CREB3L3: variants seen among roughly 807,000 people sequenced by gnomAD.
The protein encoded by CREB3L3 is cyclic AMP-responsive element-binding protein 3-like protein 3.
Under a neutral mutation model 44.6 loss-of-function variants are expected in CREB3L3, and 40 were observed. The ratio of observed to expected loss-of-function variants is 0.90; its 90% CI spans 0.70 to 1.17. The LOEUF is 1.17. CREB3L3 is among the 50% of genes most tolerant of loss of function. The probability of loss-of-function intolerance (pLI) is 0.00; values close to 1 mark genes in which losing one functional copy is unlikely to be tolerated. For missense variants in CREB3L3, 578 were observed against 595.8 expected, an observed-to-expected ratio of 0.97 and a Z score of 0.31; for synonymous variants, 273 against 256.3, an observed-to-expected ratio of 1.06 and a Z score of -0.62.
rs982460382 is a variant in CREB3L3, at chr19:4,171,795, C to T, written c.1212C>T (p.Gly404=). The change falls in exon 10 of 10, where the codon GGC becomes GGT. Residue 404 remains glycine (G), a synonymous_variant. Transcript: ENST00000078445. The surrounding 1 kb of genome is among the most constrained non-coding windows in gnomAD (Gnocchi z 4.9). ...ESPGSPGADW[G]FQDTANLTNS... ...CAGGAAGCCCCGGGGCAGACTGGGGCTTCCAGGACACCGCGAACCTGACCA... is the reference window on the plus strand; with the variant it reads ...CAGGAAGCCCCGGGGCAGACTGGGGTTTCCAGGACACCGCGAACCTGACCA... 3 of 1,613,478 alleles carry T rather than the reference C, an allele frequency of 1.9e-6. No homozygotes were observed. Among genetic ancestry groups the T allele is most frequent in the Non-Finnish European group, 2.5e-6 (3 of 1,180,024 alleles).
Position 4,157,161 on chromosome 19 carries a change from C to T in CREB3L3, c.323C>T (p.Thr108Ile), listed in dbSNP as rs1224772426. 2 of 1,614,022 alleles carry T rather than the reference C, an allele frequency of 1.2e-6. No homozygotes were observed. Among genetic ancestry groups the T allele is most frequent in the East Asian group, 2.2e-5 (1 of 44,872 alleles). Residue 108 changes from threonine (T) to isoleucine (I), a missense_variant, in exon 3 of 10, where the codon ACC (threonine) becomes ATC (isoleucine). By Grantham distance (89) the Thr-to-Ile change is moderately conservative. Coordinates refer to ENST00000078445, the MANE Select transcript of CREB3L3 (RefSeq NM_032607.3). ...QDTPPRSGPA[T>I]SPAGCHPAQP... ...ACCCCTCCACGCAGCGGACCAGCCA[C>T]CTCCCCCGCCGGCTGCCATCCTGCC...
intron 1 of CREB3L3, 22 bp downstream of exon 1, chr19:4,153,796 G>A: frequency 1.9e-6 from 3 of 1,613,794 alleles, no homozygotes; most frequent in South Asian, 1.1e-5. Flanking sequence ...TAGGTCCCCA[G>A]GGAGAGCGGG....
intron 5 of CREB3L3, among the ~76,000 whole-genome samples, chr19:4,166,794 C>T (rs1282299765): frequency 6.6e-6 from 1 of 152,062 alleles, no homozygotes; most frequent in African/African-American, 2.4e-5. Flanking sequence ...TAGCAGCTAA[C>T]TGCAACCTTG....
At chr19:4,159,297 C>A (rs2041628430) in intron 3 of CREB3L3, among the ~76,000 whole-genome samples, 1 of 152,054 alleles carries the variant, frequency 6.6e-6, no homozygotes, top group Admixed American at 6.6e-5. Flanking sequence ...ATTACAGGTG[C>A]ACGCCACCAG....
chr19:4,155,247 A>G (rs1365493945), intron 2 of CREB3L3, among the ~76,000 whole-genome samples: 1 of 152,170 alleles, frequency 6.6e-6, no homozygotes, highest in Non-Finnish European at 1.5e-5. Context: ...GCAGGGTGGA[A>G]ACTCATCCAA....
At chr19:4,159,524 ACTCC>A in intron 3 of CREB3L3, 136 bp from the exon 4 acceptor site, 1 of 688,390 alleles carries the variant, frequency 1.5e-6, no homozygotes, top group Non-Finnish European at 2.7e-6. Flanking sequence ...GGCCTTGGGG[ACTCC>A]AAACTCTGGC....
At chr19:4,169,296 G>A (rs992078019) in intron 6 of CREB3L3, among the ~76,000 whole-genome samples, 10 of 151,538 alleles carry the variant, frequency 6.6e-5, no homozygotes, top group African/African-American at 1.7e-4. Context: ...TCGAGACCAC[G>A]GTGAAACTCT....
rs370477474 is a variant in CREB3L3 at position 4,168,407 on chromosome 19, G to T, written c.771G>T (p.Ala257=). 37 of 1,611,100 alleles carry T rather than the reference G, an allele frequency of 2.3e-5. No individual in the cohort carries two copies. In the Admixed American group the frequency reaches 5.8e-4, roughly 25 times the overall value. ...GGAAAATCCGGAACAAGCAGTCGGC[G>T]CAAGAAAGCAGGAAGAAGAAGAAGG... ...IRRKIRNKQS[A]QESRKKKKEY... The change falls in exon 6 of 10, where the codon GCG becomes GCT. Residue 257 remains alanine (A), a synonymous_variant. Coordinates refer to ENST00000078445, the MANE Select transcript of CREB3L3 (RefSeq NM_032607.3).
chr19:4,170,701 A>C (rs1967024589), intron 7 of CREB3L3, among the ~76,000 whole-genome samples: 3 of 151,732 alleles, frequency 2.0e-5, no homozygotes, highest in Admixed American at 6.6e-5. Context: ...CAAGGTCGGG[A>C]GATCAAGACC....
rs930252040 is a variant in CREB3L3 at position 4,160,381 on chromosome 19, G to GT, written c.576+607dup. 4.6e-5 allele frequency among the ~76,000 whole-genome samples: 7 copies of GT among 151,282 alleles called. No homozygotes were observed. The East Asian group carries it at 5.8e-4, about 13-fold the overall frequency. ...GCTCTTTATTTATCATCTTAAAAAA[G>GT]TTTTTTTTGAGACAGGATCTCACTC... On this transcript the variant is annotated intron_variant, in intron 4 of 9. Coordinates refer to ENST00000078445, the MANE Select transcript of CREB3L3 (RefSeq NM_032607.3).
chr19:4,163,810 T>TC (rs1305610300), intron 4 of CREB3L3, among the ~76,000 whole-genome samples: 3 of 147,374 alleles, frequency 2.0e-5, no homozygotes, highest in African/African-American at 7.5e-5. Context: ...ACCTTTTCTT[T>TC]TTTTTTTTTT....
intron 4 of CREB3L3, among the ~76,000 whole-genome samples, chr19:4,163,301 C>T (rs537016904): frequency 9.3e-6 from 1 of 107,204 alleles, no homozygotes; most frequent in Admixed American, 1.3e-4. Context: ...GAGCGAGACT[C>T]GTCTAAGAAA....
rs1213112208 is a variant in CREB3L3 at position 4,159,842 on chromosome 19, G to A, written c.576+60G>A. On this transcript the variant is annotated intron_variant, in intron 4 of 9. Coordinates refer to ENST00000078445, the MANE Select transcript of CREB3L3 (RefSeq NM_032607.3). ...AGCTGGGAGGGCTGCTCGGGTTCGA[G>A]GAGCCTAAATATCCCCGTTTCAGAG... The A allele has an allele frequency of 4.9e-6, 4 of 814,732 alleles. No individual in the cohort carries two copies. In the African/African-American group the frequency reaches 5.0e-5, roughly 10 times the overall value. The allele number at this position is 814,732 out of a possible 1,614,324, so 50.5% of individuals were successfully genotyped here.
chr19:4,164,931 G>A (rs1245744694), intron 5 of CREB3L3, among the ~76,000 whole-genome samples: 7 of 151,726 alleles, frequency 4.6e-5, no homozygotes, highest in Non-Finnish European at 5.9e-5. Flanking sequence ...CTGGTCTCGA[G>A]CTCCTGACCT....
At chr19:4,167,590 C>G in intron 5 of CREB3L3, among the ~76,000 whole-genome samples, 1 of 151,624 alleles carries the variant, frequency 6.6e-6, no homozygotes, top group Non-Finnish European at 1.5e-5. Flanking sequence ...AAGAAAGAAA[C>G]GTAAGAAAGA....
At position 4,171,727 on chromosome 19, in the gene CREB3L3, C is replaced by T. The variant is rs999506735; in HGVS notation, c.1144C>T (p.Pro382Ser). The change falls in exon 10 of 10, where the codon CCA (proline) becomes TCA (serine). Residue 382 changes from proline (P) to serine (S), a missense_variant. By Grantham distance (74) the Pro-to-Ser change is moderately conservative (BLOSUM62 -1). Coordinates refer to ENST00000078445, the MANE Select transcript of CREB3L3 (RefSeq NM_032607.3). The surrounding 1 kb of genome is among the most constrained non-coding windows in gnomAD (Gnocchi z 4.9). ...TGATGCTGTGCCAGGCTCCGAGGCC[C>T]CAGGACCCCGACCCGAGGCTGACAC... ...AADAVPGSEA[P>S]GPRPEADTTR... 6.2e-7 allele frequency: 1 copy of T among 1,613,330 alleles called. No homozygotes were observed. The highest frequency in any genetic ancestry group is 1.3e-5 in the African/African-American group (1 of 75,034).
At chr19:4,160,775 CTAGG>C (rs2041649938) in intron 4 of CREB3L3, among the ~76,000 whole-genome samples, 1 of 151,712 alleles carries the variant, frequency 6.6e-6, no homozygotes, top group African/African-American at 2.4e-5. Context: ...GCTCTGTCAC[CTAGG>C]CTGGAGTGCA....
intron 4 of CREB3L3, among the ~76,000 whole-genome samples, 165 bp downstream of exon 4, chr19:4,159,947 G>A (rs2041637598): frequency 6.6e-6 from 1 of 152,098 alleles, no homozygotes; most frequent in Non-Finnish European, 1.5e-5. Flanking sequence ...ACTGTCGCCT[G>A]GGCTGGGGTG....
At chr19:4,160,919 T>C (rs1171826195) in intron 4 of CREB3L3, among the ~76,000 whole-genome samples, 5 of 129,708 alleles carry the variant, frequency 3.9e-5, no homozygotes, top group African/African-American at 7.5e-5. Flanking sequence ...TTCTTTTTTT[T>C]TTTTTTTTTT....
Sources: gnomAD v4.1 joint callset for allele counts (sites outside exome capture counted in the v4.1 genomes callset) on GRCh38, gnomAD v4.1.1 for gene constraint, Gnocchi (gnomAD v3.1) non-coding constraint, MANE v1.5 for transcripts, NCBI Gene and HGNC (gene_info 2026-07-23, HGNC 2026-07-21) for gene names.